GLRX3: variants seen among roughly 807,000 people sequenced by gnomAD.
The protein encoded by GLRX3 is glutaredoxin 3.
A neutral mutation model predicts 49.5 loss-of-function variants in GLRX3; 22 were observed. The observed-to-expected ratio is 0.44, with a 90% CI of 0.32 to 0.63. The LOEUF is 0.63. Ranked by LOEUF, GLRX3 falls within the 30% of genes least tolerant of loss-of-function variation. GLRX3 has a pLI of 0.05. For missense variants in GLRX3, 385 were observed against 396.3 expected, an observed-to-expected ratio of 0.97 and a Z score of 0.24; for synonymous variants, 133 against 140.0, an observed-to-expected ratio of 0.95 and a Z score of 0.35.
At chr10:130,155,002 C>T (rs1371572393) in intron 2 of GLRX3, among the ~76,000 whole-genome samples, 8 of 151,850 alleles carry the variant, frequency 5.3e-5, no homozygotes, top group East Asian at 1.9e-4. Flanking sequence ...GATAAGGTCT[C>T]GCTCTGTCAC....
At chr10:130,150,406 C>T (rs143385545) in intron 2 of GLRX3, among the ~76,000 whole-genome samples, 75 of 152,242 alleles carry the variant, frequency 4.9e-4, no homozygotes, top group African/African-American at 1.8e-3. Context: ...TCAGTGCAAA[C>T]ATTCTCAAAG....
At position 130,146,980 on chromosome 10, in the gene GLRX3, C is replaced by T. The variant is rs199520140; in HGVS notation, c.201+1661C>T. 2.4e-4 allele frequency among the ~76,000 whole-genome samples: 37 copies of T among 152,354 alleles called. No individual in the cohort carries two copies. The South Asian group carries it at 5.0e-3, about 20-fold the overall frequency. On this transcript the variant is annotated intron_variant, in intron 2 of 10. Transcript: ENST00000331244. ...AGATGTCCGTTGAGAAGGCCCACCC[C>T]GTTCCTCTGTTGTCACCCTTGTGTC...
chr10:130,180,159 A>G (rs1862997467), downstream of GLRX3: 1 of 148,200 alleles, frequency 6.7e-6, no homozygotes, highest in Non-Finnish European at 1.5e-5. Context: ...TGGCACGATT[A>G]TGGCTCATTG....
intron 10 of GLRX3, among the ~76,000 whole-genome samples, chr10:130,178,550 AG>A (rs1025839564): frequency 4.6e-5 from 7 of 151,962 alleles, no homozygotes; most frequent in African/African-American, 1.7e-4. Context: ...CACTGCGCCC[AG>A]CCACATTACT....
intron 1 of GLRX3, among the ~76,000 whole-genome samples, chr10:130,139,109 C>T (rs1244065541): frequency 6.6e-6 from 1 of 151,868 alleles, no homozygotes; most frequent in Non-Finnish European, 1.5e-5. Context: ...GATGGGCCCG[C>T]TTCCCAGCGT....
intron 2 of GLRX3, among the ~76,000 whole-genome samples, chr10:130,150,561 G>T (rs571747623): frequency 5.3e-4 from 80 of 152,244 alleles, no homozygotes; most frequent in African/African-American, 1.9e-3. Flanking sequence ...GAGGAGTTAC[G>T]TATTTAAATG....
intron 2 of GLRX3, among the ~76,000 whole-genome samples, chr10:130,150,010 G>C (rs1389624762): frequency 6.7e-6 from 1 of 150,330 alleles, no homozygotes; most frequent in East Asian, 1.9e-4. Flanking sequence ...AGGCCGAGGC[G>C]GGTGGATCAC....
At position 130,160,008 on chromosome 10, in the gene GLRX3, G is replaced by A. The variant is rs1261905668; in HGVS notation, c.215G>A (p.Gly72Asp). 3 of 1,590,786 alleles carry A rather than the reference G, an allele frequency of 1.9e-6. No individual in the cohort carries two copies. The South Asian group carries it at 3.3e-5, about 18-fold the overall frequency. The stretch of plus-strand genomic sequence containing the variant: ...TTTATTTTAAAGTTGGAAGCTGAAG[G>A]TGTTCCTGAAGTATCTGAAAAATAT... ...QVSFVKLEAE[G>D]VPEVSEKYEI... is the part of the protein sequence containing the mutation. Residue 72 changes from glycine to aspartate, a missense_variant, in exon 3 of 11, where the codon GGT (glycine) becomes GAT (aspartate). This residue lies in a region of GLRX3 where 374 missense variants were observed against 358.6 expected (regional missense o/e 1.04). Coordinates refer to ENST00000331244, the MANE Select transcript of GLRX3 (RefSeq NM_006541.5).
intron 2 of GLRX3, among the ~76,000 whole-genome samples, chr10:130,148,943 A>G (rs956593498): frequency 2.6e-5 from 4 of 152,164 alleles, no homozygotes; most frequent in African/African-American, 9.7e-5. Flanking sequence ...CTGTTGCCCC[A>G]GCTACTTGGG....
intron 1 of GLRX3, among the ~76,000 whole-genome samples, chr10:130,137,647 C>A (rs1447050859): frequency 2.0e-5 from 3 of 152,188 alleles, no homozygotes; most frequent in African/African-American, 7.2e-5. Context: ...AATACAATGC[C>A]TAGTATGCAG....
At position 130,137,182 on chromosome 10, in the gene GLRX3, G is replaced by C. The variant is rs186227765; in HGVS notation, c.92+670G>C. ...ACAGAGATTTCCTGTTCCATGAACT[G>C]GTGTAGTGAGAGTCTGTTCAGATTT... On this transcript the variant is annotated intron_variant, in intron 1 of 10. Coordinates refer to ENST00000331244, the MANE Select transcript of GLRX3 (RefSeq NM_006541.5). Among the ~76,000 whole-genome samples, 486 of 152,326 alleles carry C rather than the reference G, an allele frequency of 3.2e-3. 2 individuals are homozygous for C. The highest frequency in any genetic ancestry group is 5.9e-3 in the Non-Finnish European group (399 of 68,032).
intron 4 of GLRX3, among the ~76,000 whole-genome samples, chr10:130,161,602 T>C (rs1862577771): frequency 1.3e-5 from 2 of 152,238 alleles, no homozygotes; most frequent in African/African-American, 4.8e-5. Flanking sequence ...TTATTTTCTG[T>C]ACACATGGAT....
At chr10:130,155,227 G>A (rs1181661216) in intron 2 of GLRX3, among the ~76,000 whole-genome samples, 1 of 152,208 alleles carries the variant, frequency 6.6e-6, no homozygotes, top group Admixed American at 6.5e-5. Flanking sequence ...AAAGGCTAGT[G>A]GGGCTGGAGG....
In GLRX3 at chr10:130,174,731, C is replaced by A. The variant is rs1210471950; in HGVS notation, c.825-136C>A. On this transcript the variant is annotated intron_variant, in intron 8 of 10. Transcript: ENST00000331244. ...TACCAGACAGATTAAGAAGTAAAAT[C>A]ATTTCCATTGGTCTGTAGTACATTT... is the stretch of plus-strand genomic sequence containing the variant. The A allele has an allele frequency of 9.2e-6, 6 of 655,418 alleles. 1 individual carries two copies. The Admixed American group carries it at 1.1e-4, about 12-fold the overall frequency. The allele number at this position is 655,418 out of a possible 1,614,324, so 40.6% of individuals were successfully genotyped here.
Position 130,166,493 on chromosome 10 carries a change from T to A in GLRX3, c.479-14T>A. 1 of 1,606,098 alleles carries A rather than the reference T, an allele frequency of 6.2e-7. No individual in the cohort carries two copies. Among genetic ancestry groups the A allele is most frequent in the Non-Finnish European group, 8.5e-7 (1 of 1,173,342 alleles). On this transcript the variant is annotated splice_polypyrimidine_tract_variant and intron_variant, in intron 4 of 10. Coordinates refer to ENST00000331244, the MANE Select transcript of GLRX3 (RefSeq NM_006541.5). The stretch of plus-strand genomic sequence containing the variant: ...GAGAGAAGTTAAGTGCTTTATTTCT[T>A]TTTTTGTGTACAGGTTTCAGCAAGC...
At chr10:130,163,654 G>C (rs2134907896) in intron 4 of GLRX3, among the ~76,000 whole-genome samples, 1 of 152,148 alleles carries the variant, frequency 6.6e-6, no homozygotes, top group East Asian at 1.9e-4. Context: ...ATTTAAGAAT[G>C]TTGCTGTTCT....
chr10:130,141,801 C>A (rs950770643), intron 1 of GLRX3, among the ~76,000 whole-genome samples: 1 of 152,144 alleles, frequency 6.6e-6, no homozygotes, highest in Non-Finnish European at 1.5e-5. Context: ...CTGTTTTGTT[C>A]TTGCCATCCT....
chr10:130,145,114 A>G (rs1485106274), intron 1 of GLRX3, 97 bp from the exon 2 acceptor site: 1 of 536,698 alleles, frequency 1.9e-6, no homozygotes, highest in Non-Finnish European at 3.3e-6. Context: ...CGGTTCTTTT[A>G]AAGCTTTCTT....
At chr10:130,158,139 G>C (rs1187947544) in intron 2 of GLRX3, among the ~76,000 whole-genome samples, 1 of 152,146 alleles carries the variant, frequency 6.6e-6, no homozygotes, top group South Asian at 2.1e-4. Flanking sequence ...GGAATTGTAA[G>C]AGGTCATTTG....
Sources: allele counts gnomAD v4.1 joint callset (sites outside exome capture counted in the v4.1 genomes callset), GRCh38; gene constraint gnomAD v4.1.1; regional missense constraint gnomAD v4.1.1; transcripts MANE v1.5; gene names NCBI Gene and HGNC (gene_info 2026-07-23, HGNC 2026-07-21).